The following SLC9B2 variants were observed in gnomAD, a reference collection of about 807,000 sequenced individuals.
The protein encoded by SLC9B2 is sodium/hydrogen exchanger 9B2.
A neutral mutation model predicts 52.2 loss-of-function variants in SLC9B2; 39 were observed. The observed-to-expected ratio is 0.75, with a 90% CI of 0.58 to 0.98. The LOEUF is 0.98. SLC9B2 is among the 50% of genes least tolerant of loss of function. The probability of loss-of-function intolerance (pLI) is 0.00; values close to 1 mark genes in which losing one functional copy is unlikely to be tolerated. For synonymous variants in SLC9B2, 214 were observed against 227.0 expected (o/e 0.94, Z 0.51); for missense variants, 626 against 637.5 (o/e 0.98, Z 0.19).
chr4:103,069,440 T>A (rs562066068), intron 1 of SLC9B2, among the ~76,000 whole-genome samples: 80 of 152,348 alleles, frequency 5.3e-4, no homozygotes, highest in African/African-American at 1.9e-3. Flanking sequence ...TTGCTTAACC[T>A]CTTTGTGATT....
At chr4:103,019,553 G>C, downstream of SLC9B2, 6 of 983,790 alleles carry the variant, frequency 6.1e-6, no homozygotes, top group African/African-American at 1.7e-5. Context: ...CCCGGGACTA[G>C]CGCCAAAGGG....
intron 3 of SLC9B2, chr4:103,065,617 C>T: frequency 6.6e-6 from 1 of 152,188 alleles, no homozygotes. Context: ...TCTGCTTTAT[C>T]ACATATTCCC....
chr4:103,073,840 C>T (rs1475581609), intron 1 of SLC9B2, among the ~76,000 whole-genome samples: 1 of 152,086 alleles, frequency 6.6e-6, no homozygotes, highest in Non-Finnish European at 1.5e-5. Flanking sequence ...CCGAATCTAC[C>T]CCAAGTGGGA....
rs113878698 is a variant in SLC9B2, at chr4:103,039,867, C to T, written c.1146+3429G>A. On this transcript the variant is annotated intron_variant, in intron 9 of 11. Transcript: ENST00000394785. ...TTCACCATGCTGGCCAGGCTGGTCTCGAATTCCTGACCTCATGATCCGCCC... is the reference window on the plus strand; with the variant it reads ...TTCACCATGCTGGCCAGGCTGGTCTTGAATTCCTGACCTCATGATCCGCCC... Among the ~76,000 whole-genome samples the T allele has an allele frequency of 3.2e-3, 489 of 151,950 alleles. 6 individuals are homozygous for T. The highest frequency in any genetic ancestry group is 0.011 in the African/African-American group (469 of 41,448).
Position 103,031,939 on chromosome 4 carries a change from G to A in SLC9B2, c.1147-131C>T, listed in dbSNP as rs1240367920. 1.5e-5 allele frequency: 13 copies of A among 860,278 alleles called. No individual in the cohort carries two copies. The East Asian group carries it at 3.3e-4, about 22-fold the overall frequency. 53.3% of individuals were successfully genotyped at this position (860,278 alleles called of 1,614,324 possible). On this transcript the variant is annotated intron_variant, in intron 9 of 11. Coordinates refer to ENST00000394785, the MANE Select transcript of SLC9B2 (RefSeq NM_178833.7). Reference sequence around the variant, plus strand: ...TTTCTGTGCCATCTATAACTAAAAGGTTAGCTAGAACAGAGCAAAAAAACT... The same window carrying A: ...TTTCTGTGCCATCTATAACTAAAAGATTAGCTAGAACAGAGCAAAAAAACT...
intron 7 of SLC9B2, among the ~76,000 whole-genome samples, chr4:103,046,821 G>A (rs377103367): frequency 6.6e-6 from 1 of 151,794 alleles, no homozygotes; most frequent in African/African-American, 2.4e-5. Flanking sequence ...ACCTTCTACC[G>A]CCCCTGCCGT....
At chr4:103,071,146 A>C (rs1746584333) in intron 1 of SLC9B2, among the ~76,000 whole-genome samples, 1 of 151,932 alleles carries the variant, frequency 6.6e-6, no homozygotes, top group Admixed American at 6.6e-5. Context: ...TTTTCTAAGA[A>C]AGATTTTCTT....
intron 9 of SLC9B2, among the ~76,000 whole-genome samples, chr4:103,037,149 A>G (rs887796703): frequency 6.6e-6 from 1 of 152,132 alleles, no homozygotes; most frequent in Non-Finnish European, 1.5e-5. Flanking sequence ...CATCCTGTGT[A>G]GGGTTGGTGC....
chr4:103,020,253 G>GTTT (rs10676315), downstream of SLC9B2: 35,930 of 383,144 alleles, frequency 0.094, 1,163 homozygotes, highest in Admixed American at 0.14. Flanking sequence ...ACCTTTGTGA[G>GTTT]TTTTTTTTTT....
chr4:103,026,473 A>T lies in SLC9B2; in HGVS notation c.1511T>A (p.Ile504Asn). ...AFLSILITAP[I>N]GSLLIGLLGP... ...CAGTAAACCAATAAGCAGACTTCCA[A>T]TTGGGGCTGTGATGAGGATGGACAA... is the stretch of plus-strand genomic sequence containing the variant. The change falls in exon 12 of 12, where the codon ATT becomes AAT. Residue 504 changes from isoleucine (I) to asparagine (N), a missense_variant. Transcript: ENST00000394785. The T allele has an allele frequency of 6.2e-7, 1 of 1,613,926 alleles. No homozygotes were observed. Among genetic ancestry groups the T allele is most frequent in the Non-Finnish European group, 8.5e-7 (1 of 1,179,894 alleles).
intron 1 of SLC9B2, among the ~76,000 whole-genome samples, chr4:103,070,748 C>A (rs185604670): frequency 2.0e-5 from 3 of 152,036 alleles, no homozygotes; most frequent in Admixed American, 2.0e-4. Flanking sequence ...GCCCTTATTT[C>A]GAAAACAATT....
intron 3 of SLC9B2, among the ~76,000 whole-genome samples, chr4:103,061,105 C>G (rs1745601275): frequency 6.6e-6 from 1 of 152,146 alleles, no homozygotes; most frequent in East Asian, 1.9e-4. Context: ...TCTCAAATTC[C>G]CTGAGGTGGA....
intron 4 of SLC9B2, among the ~76,000 whole-genome samples, chr4:103,051,235 A>G (rs1033036784): frequency 6.6e-6 from 1 of 152,356 alleles, no homozygotes; most frequent in East Asian, 1.9e-4. Context: ...CTGAGTAGTT[A>G]GTGAGGGAAT....
chr4:103,020,445 A>G (rs1450663687), downstream of SLC9B2: 1 of 399,928 alleles, frequency 2.5e-6, no homozygotes, highest in African/African-American at 2.1e-5. Context: ...TTAGAAAGAC[A>G]AACTGCCCTT....
In SLC9B2 at chr4:103,022,394, C is replaced by T. The variant is rs1447570744; in HGVS notation, c.*3976G>A. 6.6e-6 allele frequency among the ~76,000 whole-genome samples: 1 copy of T among 152,152 alleles called. No individual in the cohort carries two copies. Among genetic ancestry groups the T allele is most frequent in the Non-Finnish European group, 1.5e-5 (1 of 68,024 alleles). On this transcript the variant is annotated 3_prime_UTR_variant, in exon 12 of 12. Coordinates refer to ENST00000394785, the MANE Select transcript of SLC9B2 (RefSeq NM_178833.7). Reference sequence around the variant, plus strand: ...GCCAAATATGAAATACTTATGTTGCCTTTCACCCAACAAATTCAGTTGATG... The same window carrying T: ...GCCAAATATGAAATACTTATGTTGCTTTTCACCCAACAAATTCAGTTGATG...
intron 3 of SLC9B2, among the ~76,000 whole-genome samples, chr4:103,060,375 G>C (rs1745515637): frequency 6.6e-6 from 1 of 151,566 alleles, no homozygotes; most frequent in Non-Finnish European, 1.5e-5. Flanking sequence ...AGAAGTTCAA[G>C]TTGGTTCTTC....
intron 9 of SLC9B2, among the ~76,000 whole-genome samples, chr4:103,040,024 T>A (rs1046794044): frequency 6.6e-6 from 1 of 152,198 alleles, no homozygotes; most frequent in African/African-American, 2.4e-5. Flanking sequence ...ACTTAGTATT[T>A]GTAGGCCTTG....
At chr4:103,020,039 T>G, downstream of SLC9B2, 1 of 543,898 alleles carries the variant, frequency 1.8e-6, no homozygotes, top group South Asian at 5.6e-5. Context: ...GCACGGTCTC[T>G]CCCCAAGACG....
chr4:103,032,307 A>C (rs372365617), intron 9 of SLC9B2, among the ~76,000 whole-genome samples: 26 of 152,116 alleles, frequency 1.7e-4, no homozygotes, highest in Non-Finnish European at 2.8e-4. Flanking sequence ...CAGATCTTTA[A>C]ATTGTTTCCA....
Sources: gnomAD v4.1 joint callset for allele counts (sites outside exome capture counted in the v4.1 genomes callset) on GRCh38, gnomAD v4.1.1 for gene constraint, MANE v1.5 for transcripts, NCBI Gene and HGNC (gene_info 2026-07-23, HGNC 2026-07-21) for gene names.